The following MYO18B variants were observed in gnomAD, a reference collection of about 807,000 sequenced individuals.
MYO18B encodes myosin XVIIIB, also known as unconventional myosin-XVIIIb.
Under a neutral mutation model 273.0 loss-of-function variants are expected in MYO18B, and 204 were observed. The ratio of observed to expected loss-of-function variants is 0.75; its 90% CI spans 0.67 to 0.84. The LOEUF is 0.84. Ranked by LOEUF, MYO18B falls within the 40% of genes least tolerant of loss-of-function variation. MYO18B has a pLI of 0.00. For missense variants in MYO18B, 3,212 were observed against 3,287.6 expected, an observed-to-expected ratio of 0.98 and a Z score of 0.56; for synonymous variants, 1,330 against 1,305.7, an observed-to-expected ratio of 1.02 and a Z score of -0.40.
chr22:25,804,052 C>A (rs1317788632), intron 12 of MYO18B, among the ~76,000 whole-genome samples: 1 of 150,802 alleles, frequency 6.6e-6, no homozygotes, highest in East Asian at 1.9e-4. Context: ...CTTCTGTATT[C>A]GTGAGTTTGA....
chr22:26,046,217 T>G, the MYO18B span, among the ~76,000 whole-genome samples: 2 of 152,322 alleles, frequency 1.3e-5, no homozygotes, highest in South Asian at 4.1e-4. Context: ...CAAAAAAACC[T>G]TAGGATACTT....
At chr22:25,967,148 A>C (rs779685945) in intron 39 of MYO18B, among the ~76,000 whole-genome samples, 37 of 152,238 alleles carry the variant, frequency 2.4e-4, no homozygotes, top group Non-Finnish European at 5.1e-4. Flanking sequence ...TCATCAATTG[A>C]ACTTTCGTCA....
chr22:26,022,765 C>T (rs1300588626), intron 42 of MYO18B, among the ~76,000 whole-genome samples: 7 of 152,228 alleles, frequency 4.6e-5, no homozygotes, highest in African/African-American at 1.7e-4. Flanking sequence ...GACCCCATGA[C>T]AGCCAGGCTA....
chr22:25,854,397 A>G (rs989115872), intron 21 of MYO18B, among the ~76,000 whole-genome samples: 17 of 152,198 alleles, frequency 1.1e-4, no homozygotes, highest in Non-Finnish European at 2.9e-5. Flanking sequence ...TCCTCATTTC[A>G]CAGCGTAGGC....
chr22:25,742,476 T>C (rs1268007310), intron 1 of MYO18B, among the ~76,000 whole-genome samples, 183 bp downstream of exon 1: 5 of 152,124 alleles, frequency 3.3e-5, no homozygotes, highest in African/African-American at 1.2e-4. Flanking sequence ...CTGCTCACTT[T>C]GAAAACAAGA....
At chr22:25,969,160 C>A (rs1396798326) in intron 39 of MYO18B, among the ~76,000 whole-genome samples, 6 of 152,178 alleles carry the variant, frequency 3.9e-5, no homozygotes, top group African/African-American at 1.4e-4. Flanking sequence ...TATAGCTACC[C>A]CACAACTGGA....
In MYO18B at chr22:25,931,818, C is replaced by T. The variant is rs948439663; in HGVS notation, c.5517+10409C>T. 1.9e-4 allele frequency among the ~76,000 whole-genome samples: 29 copies of T among 149,374 alleles called. 1 individual carries two copies. The highest frequency in any genetic ancestry group is 1.9e-3 in the Admixed American group (28 of 15,016). On this transcript the variant is annotated intron_variant, in intron 34 of 43. Transcript: ENST00000335473. ...CCACCTCAGCCTCCCAAGTAGCTGG[C>T]ATGTGCCACCATGCCCTGCTAATTT...
intron 33 of MYO18B, among the ~76,000 whole-genome samples, chr22:25,913,966 ATTGC>A (rs2092211010): frequency 6.6e-6 from 1 of 152,212 alleles, no homozygotes; most frequent in Non-Finnish European, 1.5e-5. Context: ...GTTCTAAAGT[ATTGC>A]TTTTGACATT....
rs373233326 is a variant in MYO18B, at chr22:26,026,666, G to A, written c.6692G>A (p.Arg2231Gln). ...LEPASSPLAS[R>Q]STNTSPLSRE... Reference sequence around the variant, plus strand: ...CCTGCTTCCTCTCCCCTGGCTTCTCGGAGTACAAATACATCCCCGCTGTCG... The same window carrying A: ...CCTGCTTCCTCTCCCCTGGCTTCTCAGAGTACAAATACATCCCCGCTGTCG... Residue 2231 changes from arginine to glutamine, a missense_variant, in exon 43 of 44, where the codon CGG (arginine) becomes CAG (glutamine). Coordinates refer to ENST00000335473, the MANE Select transcript of MYO18B (RefSeq NM_032608.7). 7.4e-6 allele frequency: 12 copies of A among 1,613,670 alleles called. No individual in the cohort carries two copies. Among genetic ancestry groups the A allele is most frequent in the African/African-American group, 2.7e-5 (2 of 74,870 alleles).
the MYO18B span, among the ~76,000 whole-genome samples, chr22:26,041,359 A>C: frequency 6.8e-6 from 1 of 147,324 alleles, no homozygotes; most frequent in Non-Finnish European, 1.5e-5. Flanking sequence ...TACCAAAAAA[A>C]AAAAAAAAAA....
intron 29 of MYO18B, 35 bp downstream of exon 29, chr22:25,898,496 A>AGGGT: frequency 6.2e-7 from 1 of 1,605,832 alleles, no homozygotes; most frequent in Non-Finnish European, 8.5e-7. Context: ...CTGGGCTGCC[A>AGGGT]GGGTGGGCTA....
At chr22:26,011,423 TC>T (rs750307547) in intron 42 of MYO18B, among the ~76,000 whole-genome samples, 1 of 152,072 alleles carries the variant, frequency 6.6e-6, no homozygotes, top group African/African-American at 2.4e-5. Context: ...GAGGAGGGGT[TC>T]CCCAAAGGAC....
chr22:25,895,996 CA>C (rs1008650557), intron 28 of MYO18B, among the ~76,000 whole-genome samples: 5 of 151,560 alleles, frequency 3.3e-5, no homozygotes, highest in African/African-American at 1.2e-4. Context: ...AGTTCACCTT[CA>C]GCAGGAGATT....
At chr22:26,050,679 A>G in the MYO18B span, among the ~76,000 whole-genome samples, 1 of 152,154 alleles carries the variant, frequency 6.6e-6, no homozygotes, top group African/African-American at 2.4e-5. Context: ...TAACCCCACT[A>G]TGCTTTATCT....
chr22:25,876,042 G>GTGTGTGTA (rs2091185513), intron 23 of MYO18B, 147 bp from the exon 24 acceptor site: 2 of 446,178 alleles, frequency 4.5e-6, no homozygotes, highest in South Asian at 4.8e-5. Flanking sequence ...GTGTGTGTGT[G>GTGTGTGTA]TGTATGTGTT....
chr22:25,950,338 T>C, intron 36 of MYO18B, 29 bp from the exon 37 acceptor site: 1 of 1,480,324 alleles, frequency 6.8e-7, no homozygotes, highest in Non-Finnish European at 9.0e-7. Context: ...CAGGGTGATA[T>C]ATATACATTT....
At chr22:25,869,104 T>C (rs1027526001) in intron 22 of MYO18B, among the ~76,000 whole-genome samples, 19 of 151,992 alleles carry the variant, frequency 1.3e-4, no homozygotes, top group Non-Finnish European at 1.5e-5. Context: ...ACGGAGATTG[T>C]AAACTCAAGG....
At chr22:25,849,187 G>A (rs1478163170) in intron 20 of MYO18B, among the ~76,000 whole-genome samples, 2 of 152,208 alleles carry the variant, frequency 1.3e-5, no homozygotes, top group Non-Finnish European at 2.9e-5. Flanking sequence ...CTGTTAGAAT[G>A]CCTGTGCGCA....
At chr22:26,013,549 C>T (rs1022943071) in intron 42 of MYO18B, among the ~76,000 whole-genome samples, 2 of 152,116 alleles carry the variant, frequency 1.3e-5, no homozygotes, top group Non-Finnish European at 2.9e-5. Context: ...TTCTGTCGGG[C>T]GTATACTCAG....
Sources: gnomAD v4.1 joint callset for allele counts (sites outside exome capture counted in the v4.1 genomes callset) on GRCh38, gnomAD v4.1.1 for gene constraint, MANE v1.5 for transcripts, NCBI Gene and HGNC (gene_info 2026-07-23, HGNC 2026-07-21) for gene names.